The following RABEP2 variants were observed in gnomAD, a reference collection of about 807,000 sequenced individuals.
The protein encoded by RABEP2 is rab GTPase-binding effector protein 2.
A neutral mutation model predicts 74.1 loss-of-function variants in RABEP2; 57 were observed. The ratio of observed to expected loss-of-function variants is 0.77; its 90% CI spans 0.62 to 0.96. The LOEUF is 0.96. Ranked by LOEUF, RABEP2 falls within the 40% of genes least tolerant of loss-of-function variation. The pLI, the probability that RABEP2 is intolerant of heterozygous loss-of-function variation, is 0.00. For synonymous variants in RABEP2, 351 were observed against 344.0 expected (o/e 1.02, Z -0.23); for missense variants, 692 against 756.3 (o/e 0.91, Z 1.00).
intron 3 of RABEP2, 95 bp from the exon 4 acceptor site, chr16:28,914,877 C>T (rs950358170): frequency 2.0e-6 from 2 of 998,740 alleles, no homozygotes; most frequent in Admixed American, 2.2e-5. Flanking sequence ...CATCAGCTCT[C>T]CTAATCCTCC....
intron 5 of RABEP2, among the ~76,000 whole-genome samples, chr16:28,913,207 G>A (rs977135073): frequency 1.3e-5 from 2 of 152,138 alleles, no homozygotes; most frequent in East Asian, 3.9e-4. Flanking sequence ...TGGGATTACA[G>A]GCATGAGCCA....
chr16:28,910,951 C>T lies in RABEP2; in HGVS notation c.1026G>A (p.Glu342=). The change falls in exon 7 of 13, where the codon GAG becomes GAA. Residue 342 remains glutamate, a synonymous_variant. Transcript: ENST00000358201. ...QVLLAQVQNS[E]QLLRTLQGTV... is the part of the protein sequence containing the mutation. The stretch of plus-strand genomic sequence containing the variant: ...TCCCTTGCAGGGTCCGCAGCAGCTG[C>T]TCTGAGTTCTGGACCTGGGCCAGGA... The T allele has an allele frequency of 6.2e-7, 1 of 1,613,112 alleles. No individual in the cohort carries two copies. The highest frequency in any genetic ancestry group is 8.5e-7 in the Non-Finnish European group (1 of 1,179,516).
chr16:28,924,752 C>A (rs1471718059), intron 1 of RABEP2, 137 bp from the exon 2 acceptor site: 2 of 816,630 alleles, frequency 2.4e-6, no homozygotes, highest in East Asian at 2.6e-5. Flanking sequence ...CACCTGGCCC[C>A]GCCCCTGCCC....
chr16:28,924,552 C>A lies in RABEP2; in HGVS notation c.125G>T (p.Arg42Leu). The change falls in exon 2 of 13, where the codon CGG becomes CTG. Residue 42 changes from arginine (R) to leucine (L), a missense_variant. Coordinates refer to ENST00000358201, the MANE Select transcript of RABEP2 (RefSeq NM_024816.3). ...NGEAESGELS[R>L]LRAELAGALA... ...GGCGCCTGCCAGCTCAGCCCGAAGC[C>A]GGCTGAGCTCACCTGACTCGGCCTC... The A allele has an allele frequency of 6.2e-7, 1 of 1,613,838 alleles. No homozygotes were observed. Among genetic ancestry groups the A allele is most frequent in the East Asian group, 2.2e-5 (1 of 44,876 alleles).
intron 2 of RABEP2, among the ~76,000 whole-genome samples, chr16:28,921,490 G>C (rs1964467144): frequency 1.3e-5 from 2 of 151,914 alleles, no homozygotes; most frequent in African/African-American, 4.8e-5. Context: ...TGGCATGGTG[G>C]AATATGTTGG....
Position 28,904,983 on chromosome 16 carries a change from T to C in RABEP2, c.1670A>G (p.Glu557Gly), listed in dbSNP as rs753203689. Residue 557 changes from glutamate to glycine, a missense_variant, in exon 13 of 13, where the codon GAG becomes GGG. By Grantham distance (98) the Glu-to-Gly change is moderately conservative (BLOSUM62 -2). Transcript: ENST00000358201. ...TLEQVRSIMD[E>G]APLTDVRDIK... Reference sequence around the variant, plus strand: ...GTCCCTGACGTCCGTGAGTGGCGCCTCATCCATGATGCTGCGCACTTGCTC... The same window carrying C: ...GTCCCTGACGTCCGTGAGTGGCGCCCCATCCATGATGCTGCGCACTTGCTC... The C allele has an allele frequency of 6.2e-7, 1 of 1,612,652 alleles. No individual in the cohort carries two copies. The highest frequency in any genetic ancestry group is 1.1e-5 in the South Asian group (1 of 91,082).
chr16:28,905,951 CG>C, intron 9 of RABEP2, 67 bp downstream of exon 9: 2 of 1,612,512 alleles, frequency 1.2e-6, no homozygotes, highest in Non-Finnish European at 1.7e-6. Context: ...GCCTGGGCCC[CG>C]GTGGCTCCCT....
intron 8 of RABEP2, among the ~76,000 whole-genome samples, chr16:28,907,317 T>G (rs933896375): frequency 6.6e-6 from 1 of 151,692 alleles, no homozygotes; most frequent in Non-Finnish European, 1.5e-5. Context: ...CCACCACACC[T>G]GGCTAATTTT....
At chr16:28,908,475 G>A in intron 8 of RABEP2, 134 bp downstream of exon 8, 1 of 883,000 alleles carries the variant, frequency 1.1e-6, no homozygotes, top group African/African-American at 1.7e-5. Flanking sequence ...AGGAAACTGA[G>A]CCTTAGAGAA....
chr16:28,918,911 C>G (rs966257491), intron 3 of RABEP2, among the ~76,000 whole-genome samples: 2 of 152,154 alleles, frequency 1.3e-5, no homozygotes, highest in Non-Finnish European at 2.9e-5. Context: ...GCTTCAAGCT[C>G]CTGGCCTCAA....
chr16:28,908,565 C>T (rs1345959610), intron 8 of RABEP2, 44 bp downstream of exon 8: 2 of 1,548,434 alleles, frequency 1.3e-6, no homozygotes, highest in Non-Finnish European at 1.7e-6. Flanking sequence ...GAAGAAGGGG[C>T]CCTCACGGTG....
chr16:28,908,508 A>T, intron 8 of RABEP2, 101 bp downstream of exon 8: 1 of 1,323,494 alleles, frequency 7.6e-7, no homozygotes, highest in Non-Finnish European at 1.0e-6. Flanking sequence ...AGCCAAGCAA[A>T]TACACAGCAC....
chr16:28,924,737 C>G, intron 1 of RABEP2, 122 bp from the exon 2 acceptor site: 1 of 937,864 alleles, frequency 1.1e-6, no homozygotes, highest in Non-Finnish European at 1.7e-6. Flanking sequence ...TGGGCCCGCC[C>G]GGCTCACCTG....
chr16:28,920,530 C>T (rs543239926), intron 2 of RABEP2, among the ~76,000 whole-genome samples: 18 of 151,940 alleles, frequency 1.2e-4, no homozygotes, highest in African/African-American at 1.7e-4. Context: ...GGATTACAGG[C>T]GCCCACCACC....
intron 5 of RABEP2, 89 bp downstream of exon 5, chr16:28,914,147 T>C: frequency 8.9e-7 from 1 of 1,118,762 alleles, no homozygotes; most frequent in Non-Finnish European, 1.2e-6. Context: ...GCTCCGGCTC[T>C]AGTTCTGGGT....
At chr16:28,910,659 G>A in intron 7 of RABEP2, 1 of 497,618 alleles carries the variant, frequency 2.0e-6, no homozygotes. Context: ...CTGGGAGTCT[G>A]GGATTAGCTC....
intron 3 of RABEP2, among the ~76,000 whole-genome samples, chr16:28,917,513 G>C (rs1208042813): frequency 6.6e-6 from 1 of 152,148 alleles, no homozygotes; most frequent in Non-Finnish European, 1.5e-5. Context: ...TCCGTCTCCT[G>C]GGTTCAAGAG....
intron 1 of RABEP2, 197 bp from the exon 2 acceptor site, chr16:28,924,812 C>T (rs1300895941): frequency 1.2e-5 from 8 of 662,170 alleles, no homozygotes; most frequent in Non-Finnish European, 1.9e-5. Flanking sequence ...TCCATCTCTT[C>T]GCGGTGGCCA....
At chr16:28,918,061 GTTTTTTTTTTTTTTTTTTTT>G (rs398029150) in intron 3 of RABEP2, 2 of 93,220 alleles carry the variant, frequency 2.1e-5, no homozygotes, top group Admixed American at 1.2e-4. Flanking sequence ...TCCTATAATT[GTTTTTTTTTTTTTTTTTTTT>G]TTTTTTTTTG....
Sources: gnomAD v4.1 joint callset for allele counts (sites outside exome capture counted in the v4.1 genomes callset) on GRCh38, gnomAD v4.1.1 for gene constraint, MANE v1.5 for transcripts, NCBI Gene and HGNC (gene_info 2026-07-23, HGNC 2026-07-21) for gene names.